The following CNTFR variants were observed in gnomAD, a reference collection of about 807,000 sequenced individuals.
CNTFR encodes ciliary neurotrophic factor receptor.
In CNTFR, 12 loss-of-function variants were observed where a neutral mutation model predicts 40.4. The ratio of observed to expected loss-of-function variants is 0.30; its 90% CI spans 0.19 to 0.48. The LOEUF is 0.48. CNTFR is among the 20% of genes least tolerant of loss of function. CNTFR has a pLI of 0.99. For synonymous variants in CNTFR, 202 were observed against 209.6 expected (o/e 0.96, Z 0.31); for missense variants, 414 against 506.8 (o/e 0.82, Z 1.76).
At chr9:34,570,514 T>C (rs766757711) in intron 2 of CNTFR, among the ~76,000 whole-genome samples, 19 of 151,568 alleles carry the variant, frequency 1.3e-4, no homozygotes, top group South Asian at 2.1e-4. Flanking sequence ...AGCAGAGAAA[T>C]ACCAGAGAAA....
chr9:34,566,446 G>C (rs991272155), intron 3 of CNTFR, among the ~76,000 whole-genome samples: 4 of 152,154 alleles, frequency 2.6e-5, no homozygotes, highest in Non-Finnish European at 4.4e-5. Context: ...GGCTGGACCA[G>C]ACACTAAACA....
intron 2 of CNTFR, among the ~76,000 whole-genome samples, chr9:34,570,511 A>G (rs1307560834): frequency 6.6e-6 from 1 of 152,182 alleles, no homozygotes; most frequent in Non-Finnish European, 1.5e-5. Context: ...ACAAGCAGAG[A>G]AATACCAGAG....
At chr9:34,575,795 G>A (rs2132224187) in intron 2 of CNTFR, among the ~76,000 whole-genome samples, 1 of 152,094 alleles carries the variant, frequency 6.6e-6, no homozygotes, top group Middle Eastern at 3.4e-3. Context: ...GAGTTGGGTG[G>A]GGGGAAAAGA....
intron 4 of CNTFR, among the ~76,000 whole-genome samples, chr9:34,559,209 G>T (rs1180230223): frequency 6.6e-6 from 1 of 152,202 alleles, no homozygotes; most frequent in South Asian, 2.1e-4. Flanking sequence ...GGTGACACAG[G>T]GGAACAGTGG....
At chr9:34,558,896 C>T (rs983046696) in intron 4 of CNTFR, among the ~76,000 whole-genome samples, 5 of 152,198 alleles carry the variant, frequency 3.3e-5, no homozygotes, top group Non-Finnish European at 5.9e-5. Flanking sequence ...TTGGGAAGTC[C>T]TTTCTGCTGT....
chr9:34,553,806 C>T (rs951523157), intron 7 of CNTFR, among the ~76,000 whole-genome samples: 2 of 152,214 alleles, frequency 1.3e-5, no homozygotes, highest in African/African-American at 2.4e-5. Flanking sequence ...CAGTGGCACC[C>T]GCTGCCTCAT....
intron 2 of CNTFR, among the ~76,000 whole-genome samples, chr9:34,572,241 AACTGGGCCCAAT>A (rs750559139): frequency 1.4e-4 from 21 of 151,776 alleles, no homozygotes; most frequent in Admixed American, 3.9e-4. Context: ...TCAGACTCCC[AACTGGGCCCAAT>A]GCCCAGTTTG....
At chr9:34,586,899 C>T (rs1241622533) in intron 1 of CNTFR, among the ~76,000 whole-genome samples, 1 of 152,150 alleles carries the variant, frequency 6.6e-6, no homozygotes, top group African/African-American at 2.4e-5. Flanking sequence ...TCAAGTGCCC[C>T]GATACTCACC....
At chr9:34,565,567 G>T (rs1034161027) in intron 3 of CNTFR, among the ~76,000 whole-genome samples, 3 of 152,142 alleles carry the variant, frequency 2.0e-5, no homozygotes, top group Non-Finnish European at 4.4e-5. Flanking sequence ...GCAGGTTGGG[G>T]GCTTGGGGGG....
upstream of CNTFR, among the ~76,000 whole-genome samples, chr9:34,589,907 C>G (rs913462436): frequency 6.6e-6 from 1 of 150,452 alleles, no homozygotes; most frequent in Non-Finnish European, 1.5e-5. The surrounding 1 kb of genome is among the most constrained non-coding windows in gnomAD (Gnocchi z 4.4). Context: ...GACCCCTCCC[C>G]GCCACGGGCC....
At position 34,564,837 on chromosome 9, in the gene CNTFR, G is replaced by A. The variant is rs763297645; in HGVS notation, c.86-5C>T. The A allele has an allele frequency of 5.6e-6, 9 of 1,611,714 alleles. No homozygotes were observed. The highest frequency in any genetic ancestry group is 5.0e-5 in the Admixed American group (3 of 60,006). ...CGTACTGCACATGGGGTGCCTCTGT[G>A]GGGGGTGGGGGCACAGGGCAAAAGT... is the stretch of plus-strand genomic sequence containing the variant. On this transcript the variant is annotated splice_polypyrimidine_tract_variant and splice_region_variant and intron_variant, in intron 3 of 9. Transcript: ENST00000378980.
chr9:34,551,684 T>G lies in CNTFR; in HGVS notation c.*387A>C, dbSNP rs148640140. The stretch of plus-strand genomic sequence containing the variant: ...CCCCCAGCATCAGGAGCTTATAATC[T>G]GATGGTGGCAACAGAGACCCTGGGA... On this transcript the variant is annotated 3_prime_UTR_variant, in exon 10 of 10. Transcript: ENST00000378980. 3.8e-4 allele frequency: 149 copies of G among 388,996 alleles called. 1 individual carries two copies. Among genetic ancestry groups the G allele is most frequent in the Middle Eastern group, 7.8e-4 (1 of 1,288 alleles). The allele number at this position is 388,996 out of a possible 1,614,324, so 24.1% of individuals were successfully genotyped here. A position where few individuals can be genotyped will look rare whatever the true frequency, so the allele number is the denominator to read the frequency against.
rs185990473 is a variant in CNTFR, at chr9:34,571,644, C to T, written c.1-2663G>A. Among the ~76,000 whole-genome samples the T allele has an allele frequency of 4.7e-3, 711 of 152,184 alleles. 2 individuals carry two copies. The highest frequency in any genetic ancestry group is 0.015 in the African/African-American group (634 of 41,506). On this transcript the variant is annotated intron_variant, in intron 2 of 9. Transcript: ENST00000378980. ...CTTCATCAAAGTCGCCTCCATCAGC[C>T]TGATGAGTTACTGTAAGGGCCGGGC...
intron 3 of CNTFR, among the ~76,000 whole-genome samples, chr9:34,566,611 C>G (rs948941194): frequency 3.3e-5 from 5 of 152,142 alleles, no homozygotes; most frequent in Non-Finnish European, 5.9e-5. Flanking sequence ...CTCTGCACCC[C>G]CTAGCAGAGA....
intron 1 of CNTFR, among the ~76,000 whole-genome samples, chr9:34,581,949 C>T (rs1321315897): frequency 2.6e-5 from 4 of 152,214 alleles, no homozygotes; most frequent in Non-Finnish European, 5.9e-5. Context: ...GTGATAAGTA[C>T]TTAATTTACA....
intron 2 of CNTFR, among the ~76,000 whole-genome samples, chr9:34,579,637 C>T (rs1327002589): frequency 6.6e-6 from 1 of 151,654 alleles, no homozygotes; most frequent in East Asian, 1.9e-4. Context: ...AGCTGGGGGG[C>T]TGAGGAGCAG....
chr9:34,551,703 C>T lies in CNTFR; in HGVS notation c.*368G>A. 2 of 448,096 alleles carry T rather than the reference C, an allele frequency of 4.5e-6. No individual in the cohort carries two copies. Among genetic ancestry groups the T allele is most frequent in the Non-Finnish European group, 8.2e-6 (2 of 242,794 alleles). 27.8% of individuals were successfully genotyped at this position (448,096 alleles called of 1,614,324 possible). On this transcript the variant is annotated 3_prime_UTR_variant, in exon 10 of 10. Transcript: ENST00000378980. ...ATAATCTGATGGTGGCAACAGAGAC[C>T]CTGGGATAGACAGGAGGCTGGGGCA...
At chr9:34,554,801 G>A (rs1825769494) in intron 7 of CNTFR, among the ~76,000 whole-genome samples, 1 of 152,180 alleles carries the variant, frequency 6.6e-6, no homozygotes, top group African/African-American at 2.4e-5. Flanking sequence ...CAAGGTCAAG[G>A]ACTGGGGAGA....
intron 7 of CNTFR, among the ~76,000 whole-genome samples, chr9:34,554,021 G>A (rs1337618761): frequency 6.6e-6 from 1 of 152,126 alleles, no homozygotes. Flanking sequence ...AAGCGGGGCA[G>A]GAAGCCCCTC....
Sources: gnomAD v4.1 joint callset for allele counts (sites outside exome capture counted in the v4.1 genomes callset) on GRCh38, gnomAD v4.1.1 for gene constraint, Gnocchi (gnomAD v3.1) non-coding constraint, MANE v1.5 for transcripts, NCBI Gene and HGNC (gene_info 2026-07-23, HGNC 2026-07-21) for gene names.